Variants in FAM178B observed in about 807,000 individuals in gnomAD.
FAM178B encodes the protein family with sequence similarity 178 member B.
A neutral mutation model predicts 91.7 loss-of-function variants in FAM178B; 82 were observed. That is an observed-to-expected ratio of 0.89 (90% CI 0.75 to 1.07). The LOEUF is 1.07. Ranked by LOEUF, FAM178B falls within the 50% of genes least tolerant of loss-of-function variation. The pLI is 0.00. For synonymous variants in FAM178B, 368 were observed against 359.4 expected, an observed-to-expected ratio of 1.02 and a Z score of -0.27; for missense variants, 769 against 846.7, an observed-to-expected ratio of 0.91 and a Z score of 1.14.
At chr2:96,879,309 C>T (rs1349173898) in intron 14 of FAM178B, among the ~76,000 whole-genome samples, 2 of 152,158 alleles carry the variant, frequency 1.3e-5, no homozygotes, top group Non-Finnish European at 2.9e-5. Context: ...TGACCAGCCC[C>T]GAGGACGAGT....
At chr2:96,977,700 AG>A (rs1214173746) in intron 1 of FAM178B, 5 of 387,710 alleles carry the variant, frequency 1.3e-5, no homozygotes, top group Non-Finnish European at 2.6e-5. Flanking sequence ...GCAATGGGGG[AG>A]GGGGAAGGAG....
intron 6 of FAM178B, among the ~76,000 whole-genome samples, chr2:96,952,818 C>A (rs1003021033): frequency 1.3e-5 from 2 of 152,082 alleles, no homozygotes; most frequent in Non-Finnish European, 1.5e-5. Context: ...GAAATGAAAA[C>A]GTAAGTCACA....
chr2:96,929,076 T>G, intron 9 of FAM178B, 130 bp downstream of exon 9: 3 of 675,968 alleles, frequency 4.4e-6, no homozygotes. Flanking sequence ...GAGGATCACT[T>G]GAGCCTGGGA....
intron 9 of FAM178B, among the ~76,000 whole-genome samples, chr2:96,927,681 G>A (rs2153371458): frequency 6.6e-6 from 1 of 152,328 alleles, no homozygotes; most frequent in East Asian, 1.9e-4. Context: ...GATTTGTCAC[G>A]CAGCATGAAG....
intron 13 of FAM178B, among the ~76,000 whole-genome samples, chr2:96,902,214 T>G (rs1182510570): frequency 2.0e-5 from 3 of 151,484 alleles, no homozygotes; most frequent in Non-Finnish European, 2.9e-5. Context: ...CACGCCATTC[T>G]CCTGCCTCAG....
chr2:96,951,586 G>C, intron 6 of FAM178B, 102 bp from the exon 7 acceptor site: 1 of 832,046 alleles, frequency 1.2e-6, no homozygotes, highest in Non-Finnish European at 2.0e-6. Context: ...CTGGCTGTTG[G>C]GAAGCATATC....
intron 1 of FAM178B, among the ~76,000 whole-genome samples, chr2:96,982,190 T>C (rs1171079963): frequency 6.6e-6 from 1 of 152,176 alleles, no homozygotes; most frequent in Non-Finnish European, 1.5e-5. Flanking sequence ...GAAACATTCT[T>C]CACTTTTTAA....
intron 16 of FAM178B, 164 bp downstream of exon 16, chr2:96,877,726 A>C: frequency 1.5e-6 from 1 of 651,646 alleles, no homozygotes; most frequent in South Asian, 1.9e-5. Context: ...AGAATGATGA[A>C]GGCCCCTCAA....
chr2:96,877,389 C>A (rs1015407719), intron 16 of FAM178B, among the ~76,000 whole-genome samples: 3 of 152,096 alleles, frequency 2.0e-5, no homozygotes, highest in African/African-American at 7.2e-5. Flanking sequence ...TCCGCACCCA[C>A]CCTGGGCACT....
chr2:96,887,563 C>T (rs17119643), intron 14 of FAM178B, among the ~76,000 whole-genome samples: 8,135 of 152,252 alleles, frequency 0.053, 284 homozygotes, highest in Middle Eastern at 0.11. Flanking sequence ...AGCAAAGACG[C>T]GGCGTTGAGA....
At chr2:96,934,099 T>C (rs2081586623) in intron 8 of FAM178B, among the ~76,000 whole-genome samples, 1 of 152,246 alleles carries the variant, frequency 6.6e-6, no homozygotes, top group Admixed American at 6.5e-5. Context: ...CTGTTCTAAA[T>C]GCCAGGGACC....
intron 1 of FAM178B, among the ~76,000 whole-genome samples, chr2:96,974,381 CAAAAA>C (rs1171601429): frequency 6.2e-5 from 1 of 16,254 alleles, no homozygotes; most frequent in Non-Finnish European, 1.2e-4. Flanking sequence ...GACTCCATCT[CAAAAA>C]AAAAAAAAAA....
chr2:96,985,797 T>C (rs2082415813), intron 1 of FAM178B, among the ~76,000 whole-genome samples: 1 of 152,146 alleles, frequency 6.6e-6, no homozygotes, highest in Non-Finnish European at 1.5e-5. Context: ...GAGCTCACAA[T>C]TTGAAAGATG....
At chr2:96,931,991 G>A (rs1477895559) in intron 8 of FAM178B, among the ~76,000 whole-genome samples, 5 of 152,116 alleles carry the variant, frequency 3.3e-5, no homozygotes, top group Non-Finnish European at 5.9e-5. Context: ...AGAGAGAACT[G>A]TTCACCAGGG....
At chr2:96,973,010 C>A (rs2082244138) in intron 1 of FAM178B, among the ~76,000 whole-genome samples, 1 of 151,830 alleles carries the variant, frequency 6.6e-6, no homozygotes, top group South Asian at 2.1e-4. Flanking sequence ...TCAAGCCCAG[C>A]CTGGGCAACA....
At chr2:96,880,881 AC>A (rs1192598861) in intron 14 of FAM178B, among the ~76,000 whole-genome samples, 1 of 152,156 alleles carries the variant, frequency 6.6e-6, no homozygotes, top group Non-Finnish European at 1.5e-5. Flanking sequence ...GGCGTGAGCC[AC>A]CGCGCCCGGC....
intron 14 of FAM178B, among the ~76,000 whole-genome samples, chr2:96,887,239 C>T (rs1352583168): frequency 2.0e-5 from 3 of 151,932 alleles, no homozygotes; most frequent in Admixed American, 6.6e-5. Context: ...ACAACAACAA[C>T]AAACCGTTTG....
chr2:96,900,705 G>A (rs1475560312), intron 13 of FAM178B, among the ~76,000 whole-genome samples: 1 of 152,094 alleles, frequency 6.6e-6, no homozygotes, highest in East Asian at 1.9e-4. Flanking sequence ...GTTCTACTAA[G>A]GCCTGGGGGA....
At chr2:96,962,719 G>A (rs2082098442) in intron 5 of FAM178B, among the ~76,000 whole-genome samples, 1 of 152,172 alleles carries the variant, frequency 6.6e-6, no homozygotes, top group South Asian at 2.1e-4. Context: ...TTAAGAAATG[G>A]AGAATTGAGG....
Sources: gnomAD v4.1 joint callset for allele counts (sites outside exome capture counted in the v4.1 genomes callset) on GRCh38, gnomAD v4.1.1 for gene constraint, MANE v1.5 for transcripts, NCBI Gene and HGNC (gene_info 2026-07-23, HGNC 2026-07-21) for gene names.